Variants in PLCL2 observed in about 807,000 individuals in gnomAD.
PLCL2 encodes the protein inactive phospholipase C-like protein 2.
A neutral mutation model predicts 79.6 loss-of-function variants in PLCL2; 4 were observed. The observed-to-expected ratio is 0.05, with a 90% confidence interval of 0.02 to 0.11. The LOEUF (loss-of-function observed/expected upper bound fraction) is 0.11, where lower values mean the gene tolerates loss of function less well. Ranked by LOEUF, PLCL2 falls within the 10% of genes least tolerant of loss-of-function variation. PLCL2 has a pLI of 1.00. For missense variants in PLCL2, 895 were observed against 1,291.0 expected (o/e 0.69, Z 4.70); for synonymous variants, 484 against 457.7 (o/e 1.06, Z -0.73).
At chr3:17,064,637 A>G (rs1004638523) in intron 4 of PLCL2, among the ~76,000 whole-genome samples, 4 of 152,108 alleles carry the variant, frequency 2.6e-5, no homozygotes, top group African/African-American at 4.8e-5. Flanking sequence ...TATATGCTTC[A>G]AATTAGTTGA....
chr3:16,890,993 T>C (rs1182749928), intron 1 of PLCL2, among the ~76,000 whole-genome samples: 1 of 152,162 alleles, frequency 6.6e-6, no homozygotes, highest in African/African-American at 2.4e-5. Flanking sequence ...CCAGGGCAGG[T>C]TGTTAGGCCC....
chr3:17,038,483 T>C (rs1271914720), intron 3 of PLCL2, among the ~76,000 whole-genome samples: 1 of 152,220 alleles, frequency 6.6e-6, no homozygotes, highest in East Asian at 1.9e-4. Flanking sequence ...CAGTGTAATA[T>C]ACACAGAGAA....
rs764608752 is a variant in PLCL2, at chr3:17,011,319, A to G, written c.1973A>G (p.Asn658Ser). 8.7e-6 allele frequency: 14 copies of G among 1,614,108 alleles called. No individual in the cohort carries two copies. The highest frequency in any genetic ancestry group is 1.6e-4 in the Middle Eastern group (1 of 6,082). Residue 658 changes from asparagine (N) to serine (S), a missense_variant, in exon 2 of 6, where the codon AAT (asparagine) becomes AGT (serine). Asn to Ser is a conservative substitution (Grantham distance 46). Around this residue, in one of 6 missense-constraint regions of PLCL2, gnomAD observed 242 missense variants for 399.5 expected, o/e 0.61. Transcript: ENST00000615277. The surrounding 1 kb of genome is among the most constrained non-coding windows in gnomAD (Gnocchi z 7.9). ...GAAGTGCTTGCCAGCAAGTACGCCA[A>G]TGAAAATCCAGGGGACTTTGTAAAT... ...FNEVLASKYA[N>S]ENPGDFVNYN...
chr3:17,027,754 A>G (rs949298696), intron 3 of PLCL2, among the ~76,000 whole-genome samples: 2 of 152,150 alleles, frequency 1.3e-5, no homozygotes, highest in Non-Finnish European at 2.9e-5. Context: ...GGAGACTGTT[A>G]TCGTTGCCTG....
intron 1 of PLCL2, among the ~76,000 whole-genome samples, chr3:16,917,965 T>C (rs1037344433): frequency 6.6e-6 from 1 of 152,226 alleles, no homozygotes; most frequent in African/African-American, 2.4e-5. Flanking sequence ...TATTTTCTTA[T>C]GTGAATCATT....
intron 1 of PLCL2, among the ~76,000 whole-genome samples, chr3:16,960,301 A>G (rs1473803447): frequency 6.6e-6 from 1 of 152,156 alleles, no homozygotes; most frequent in East Asian, 1.9e-4. Context: ...CAGCTCCCCC[A>G]GCACAGTGCC....
At chr3:17,038,666 T>A (rs1406500844) in intron 3 of PLCL2, among the ~76,000 whole-genome samples, 1 of 152,196 alleles carries the variant, frequency 6.6e-6, no homozygotes, top group African/African-American at 2.4e-5. Flanking sequence ...GCTGTCATTT[T>A]AAAATGTTTT....
At chr3:16,890,724 T>C (rs1052509800) in intron 1 of PLCL2, among the ~76,000 whole-genome samples, 13 of 152,360 alleles carry the variant, frequency 8.5e-5, no homozygotes, top group African/African-American at 2.9e-4. Flanking sequence ...GACTGTTATG[T>C]TTGTAAGCTG....
In PLCL2 at chr3:17,014,804, G is replaced by A. The variant is rs139006028; in HGVS notation, c.2911G>A (p.Asp971Asn). 2.8e-5 allele frequency: 45 copies of A among 1,613,904 alleles called. No homozygotes were observed. The highest frequency in any genetic ancestry group is 6.7e-5 in the Admixed American group (4 of 60,000). The change falls in exon 3 of 6, where the codon GAT becomes AAT. Residue 971 changes from aspartate to asparagine, a missense_variant. Asp to Asn is a conservative substitution (Grantham distance 23, BLOSUM62 1). Around this residue, in one of 6 missense-constraint regions of PLCL2, gnomAD observed 298 missense variants for 459.6 expected, o/e 0.65. Coordinates refer to ENST00000615277, the MANE Select transcript of PLCL2 (RefSeq NM_001144382.2). ...LAVSPRFLGP[D>N]NTPLVVLNLS... ...GGTGTCTCCCCGCTTTCTGGGGCCC[G>A]ATAACACACCCCTAGTGGTCCTAAA...
At chr3:17,031,929 C>CTTTTTTTTTTTTT (rs35640259) in intron 3 of PLCL2, among the ~76,000 whole-genome samples, 6 of 109,046 alleles carry the variant, frequency 5.5e-5, no homozygotes, top group Non-Finnish European at 7.5e-5. Flanking sequence ...CAATTTTCAC[C>CTTTTTTTTTTTTT]TTTTTTTTTT....
intron 1 of PLCL2, among the ~76,000 whole-genome samples, chr3:16,952,745 A>G (rs1226784234): frequency 6.6e-6 from 1 of 152,012 alleles, no homozygotes; most frequent in Non-Finnish European, 1.5e-5. Flanking sequence ...TTTTTTCTTT[A>G]TATTTGTTTT....
chr3:17,009,825 A>G lies in PLCL2; in HGVS notation c.479A>G (p.His160Arg). ...KKVRSNSRIYHRYFLLDADMQ... is the reference protein window; with the variant it reads ...KKVRSNSRIYRRYFLLDADMQ... ...GTTCGCTCCAACTCTAGAATTTATC[A>G]TAGGTACTTTTTACTGGATGCTGAC... Residue 160 changes from histidine (H) to arginine (R), a missense_variant, in exon 2 of 6, where the codon CAT becomes CGT. This residue lies in a region of PLCL2 where 129 missense variants were observed against 208.8 expected (regional missense o/e 0.62). Transcript: ENST00000615277. This position sits in a 1 kb window ranked among gnomAD's most constrained non-coding sequence, Gnocchi z 4.0. 1.2e-6 allele frequency: 2 copies of G among 1,613,844 alleles called. No individual in the cohort carries two copies. Among genetic ancestry groups the G allele is most frequent in the Non-Finnish European group, 1.7e-6 (2 of 1,179,730 alleles).
At chr3:17,088,460 AAAG>A (rs2065242356) in intron 5 of PLCL2, among the ~76,000 whole-genome samples, 1 of 152,188 alleles carries the variant, frequency 6.6e-6, no homozygotes, top group Non-Finnish European at 1.5e-5. Context: ...GGAGAGTGAG[AAAG>A]AAGAAAAGGT....
chr3:16,915,233 T>G (rs1161531816), intron 1 of PLCL2, among the ~76,000 whole-genome samples: 1 of 152,206 alleles, frequency 6.6e-6, no homozygotes, highest in Non-Finnish European at 1.5e-5. Context: ...GGTTCATGCT[T>G]TTGATAAAGG....
intron 5 of PLCL2, among the ~76,000 whole-genome samples, chr3:17,070,823 C>T (rs2065054469): frequency 6.6e-6 from 1 of 152,074 alleles, no homozygotes; most frequent in Non-Finnish European, 1.5e-5. Flanking sequence ...CAGCAGGAGG[C>T]TCCCAGTAGC....
At chr3:16,896,023 A>G (rs1172441735) in intron 1 of PLCL2, among the ~76,000 whole-genome samples, 3 of 152,150 alleles carry the variant, frequency 2.0e-5, no homozygotes, top group Non-Finnish European at 4.4e-5. Flanking sequence ...GGTGATTCCA[A>G]ATGTGGGTTT....
chr3:17,065,928 TG>T (rs1486912640), intron 4 of PLCL2, among the ~76,000 whole-genome samples: 3 of 152,222 alleles, frequency 2.0e-5, no homozygotes, highest in African/African-American at 7.2e-5. Context: ...TATGAGAATA[TG>T]GTACCTCCTG....
At chr3:17,051,112 G>C (rs1201952972) in intron 4 of PLCL2, among the ~76,000 whole-genome samples, 19 of 149,382 alleles carry the variant, frequency 1.3e-4, no homozygotes, top group South Asian at 2.2e-4. Context: ...ACTTAATGGA[G>C]ATAGAGAATG....
At chr3:16,932,125 T>C (rs528174676) in intron 1 of PLCL2, among the ~76,000 whole-genome samples, 41 of 152,358 alleles carry the variant, frequency 2.7e-4, no homozygotes, top group Middle Eastern at 3.4e-3. Context: ...TGTTTTAAGC[T>C]ACCAGTCTAT....
Sources: allele counts gnomAD v4.1 joint callset (sites outside exome capture counted in the v4.1 genomes callset), GRCh38; gene constraint gnomAD v4.1.1; regional missense constraint gnomAD v4.1.1; non-coding constraint Gnocchi (gnomAD v3.1); transcripts MANE v1.5; gene names NCBI Gene and HGNC (gene_info 2026-07-23, HGNC 2026-07-21).